Variants in DMD observed in about 807,000 individuals in gnomAD.
DMD encodes dystrophin.
A neutral mutation model predicts 330.1 loss-of-function variants in DMD; 63 were observed. That is an observed-to-expected ratio of 0.19 (90% CI 0.16 to 0.24). The LOEUF (loss-of-function observed/expected upper bound fraction) is 0.24, where lower values mean the gene tolerates loss of function less well. DMD is among the 10% of genes least tolerant of loss of function. The probability of loss-of-function intolerance (pLI) is 1.00; values close to 1 mark genes in which losing one functional copy is unlikely to be tolerated. For missense variants in DMD, 3,344 were observed against 2,684.1 expected, an observed-to-expected ratio of 1.25 and a Z score of -5.43; for synonymous variants, 1,223 against 959.8, an observed-to-expected ratio of 1.27 and a Z score of -5.07.
intron 2 of DMD, among the ~76,000 whole-genome samples, chrX:32,949,377 GA>G (rs2091071443): frequency 2.8e-5 from 3 of 107,844 alleles, no homozygotes; most frequent in Non-Finnish European, 5.8e-5. Context: ...TAGATAGATA[GA>G]TAGATAGATA....
chrX:32,591,242 G>A (rs1467152246), intron 13 of DMD, among the ~76,000 whole-genome samples: 1 of 111,853 alleles, frequency 8.9e-6, no homozygotes, highest in Non-Finnish European at 1.9e-5. Flanking sequence ...TAATTCAAAT[G>A]CCTTTTATAT....
chrX:32,871,181 G>T (rs939644208), intron 2 of DMD, among the ~76,000 whole-genome samples: 1 of 108,609 alleles, frequency 9.2e-6, no homozygotes, highest in African/African-American at 3.4e-5. Context: ...TTTCCTCTCT[G>T]CTTCACCAAC....
intron 32 of DMD, 40 bp from the exon 33 acceptor site, chrX:32,386,505 G>C (rs2097959124): frequency 9.3e-7 from 1 of 1,075,798 alleles, no homozygotes; most frequent in Non-Finnish European, 1.3e-6. Context: ...AATCAGTAGA[G>C]TTAAATTATT....
In DMD at chrX:32,978,577, C is replaced by A. The variant is rs202085603; in HGVS notation, c.93+41562G>T. On this transcript the variant is annotated intron_variant, in intron 2 of 78. Transcript: ENST00000357033. ...CTCCGCCTCCCAGGCTCAAGTGATT[C>A]CCCCACCTCAGCCTCCTGAGTAGCT... is the stretch of plus-strand genomic sequence containing the variant. 2.2e-4 allele frequency among the ~76,000 whole-genome samples: 23 copies of A among 106,248 alleles called. No homozygotes were observed. The East Asian group carries it at 8.5e-3, about 39-fold the overall frequency. 92.3% of individuals were successfully genotyped at this position (106,248 alleles called of 115,157 possible).
At chrX:32,681,175 A>G (rs2062391221) in intron 9 of DMD, among the ~76,000 whole-genome samples, 1 of 111,478 alleles carries the variant, frequency 9.0e-6, no homozygotes, top group Admixed American at 9.6e-5. Flanking sequence ...TCCCACCTAA[A>G]GTATTTTCAT....
At chrX:32,824,153 A>G (rs1211274557) in intron 4 of DMD, among the ~76,000 whole-genome samples, 3 of 112,089 alleles carry the variant, frequency 2.7e-5, no homozygotes, top group Non-Finnish European at 5.6e-5. Context: ...AACCCCTGCT[A>G]GTGGAAACTC....
intron 60 of DMD, among the ~76,000 whole-genome samples, chrX:31,390,469 G>T (rs993693694): frequency 4.5e-5 from 5 of 110,357 alleles, no homozygotes; most frequent in African/African-American, 1.3e-4. Context: ...ATTTCAAACT[G>T]AACATGTCTA....
At chrX:32,429,562 ATCTTT>A (rs774949102) in intron 29 of DMD, among the ~76,000 whole-genome samples, 2 of 105,629 alleles carry the variant, frequency 1.9e-5, no homozygotes, top group Non-Finnish European at 3.9e-5. Context: ...TTTTTCTACC[ATCTTT>A]TCTTTTATTT....
At chrX:31,179,780 C>A (rs2148303585) in intron 69 of DMD, among the ~76,000 whole-genome samples, 1 of 111,871 alleles carries the variant, frequency 8.9e-6, no homozygotes, top group South Asian at 3.8e-4. Flanking sequence ...TCAACTCTTA[C>A]TTATAGAACC....
intron 48 of DMD, among the ~76,000 whole-genome samples, chrX:31,852,431 A>G (rs2093544411): frequency 1.8e-5 from 2 of 111,731 alleles, no homozygotes; most frequent in African/African-American, 6.5e-5. Context: ...ACATTCATTT[A>G]AACTGGTACT....
At chrX:31,743,034 A>T (rs1381057862) in intron 51 of DMD, among the ~76,000 whole-genome samples, 1 of 112,196 alleles carries the variant, frequency 8.9e-6, no homozygotes, top group Non-Finnish European at 1.9e-5. Flanking sequence ...AAAAATGGGC[A>T]AAAGACATAA....
At chrX:32,943,039 TAA>T (rs750527467) in intron 2 of DMD, among the ~76,000 whole-genome samples, 233 of 111,692 alleles carry the variant, frequency 2.1e-3, no homozygotes, top group African/African-American at 6.9e-3. Context: ...TCATCTCTCA[TAA>T]GAGAGACTGT....
chrX:32,422,812 C>A (rs776997570), intron 29 of DMD, among the ~76,000 whole-genome samples: 27 of 110,357 alleles, frequency 2.4e-4, no homozygotes, highest in Non-Finnish European at 4.7e-4. Context: ...GAAATTTGGC[C>A]TGAATATTAA....
intron 67 of DMD, among the ~76,000 whole-genome samples, chrX:31,185,620 C>T (rs2041688944): frequency 8.9e-6 from 1 of 111,915 alleles, no homozygotes; most frequent in African/African-American, 3.2e-5. Flanking sequence ...TTTCTAACTG[C>T]ATAAACACAA....
intron 7 of DMD, among the ~76,000 whole-genome samples, chrX:32,773,236 C>A (rs1212083825): frequency 2.7e-5 from 3 of 111,065 alleles, no homozygotes; most frequent in African/African-American, 9.8e-5. Context: ...AGAGAAATGT[C>A]CAATTATTAG....
intron 1 of DMD, among the ~76,000 whole-genome samples, chrX:33,338,455 AG>A (rs1166033523): frequency 2.0e-5 from 2 of 98,072 alleles, no homozygotes; most frequent in East Asian, 6.5e-4. Context: ...AACTCATTAA[AG>A]GGCAAAATAA....
intron 62 of DMD, among the ~76,000 whole-genome samples, chrX:31,319,234 G>A (rs994025300): frequency 1.8e-5 from 2 of 111,910 alleles, no homozygotes; most frequent in Non-Finnish European, 3.8e-5. Context: ...AGATAATCAA[G>A]GGGAAAGCTT....
At chrX:31,388,924 CA>C (rs1042881525) in intron 60 of DMD, among the ~76,000 whole-genome samples, 1 of 111,690 alleles carries the variant, frequency 9.0e-6, no homozygotes, top group African/African-American at 3.3e-5. Flanking sequence ...AAAACAAAAC[CA>C]AAAAACATTT....
intron 22 of DMD, among the ~76,000 whole-genome samples, chrX:32,471,963 C>T (rs1397547956): frequency 8.9e-6 from 1 of 112,107 alleles, no homozygotes. Context: ...TCAAAAACAG[C>T]ATGTATATAT....
Sources: gnomAD v4.1 joint callset for allele counts (sites outside exome capture counted in the v4.1 genomes callset) on GRCh38, gnomAD v4.1.1 for gene constraint, MANE v1.5 for transcripts, NCBI Gene and HGNC (gene_info 2026-07-23, HGNC 2026-07-21) for gene names.